The following SPMIP2 variants were observed in gnomAD, a reference collection of about 807,000 sequenced individuals.
SPMIP2 encodes the protein sperm microtubule inner protein 2.
At chr4:158,994,196 G>C in the SPMIP2 span, among the ~76,000 whole-genome samples, 2 of 152,284 alleles carry the variant, frequency 1.3e-5, no homozygotes, top group South Asian at 4.1e-4. Context: ...ATTCTTAATG[G>C]CCAGCACTGT....
the SPMIP2 span, among the ~76,000 whole-genome samples, chr4:158,912,414 C>T: frequency 6.6e-6 from 1 of 152,180 alleles, no homozygotes; most frequent in South Asian, 2.1e-4. Context: ...ATGATACTGT[C>T]TATAGGTTTA....
the SPMIP2 span, among the ~76,000 whole-genome samples, chr4:159,004,953 C>G: frequency 6.6e-5 from 10 of 151,928 alleles, no homozygotes; most frequent in Non-Finnish European, 1.3e-4. Flanking sequence ...AAACCATCGG[C>G]CAGACACGGT....
At chr4:158,968,925 G>A in the SPMIP2 span, among the ~76,000 whole-genome samples, 1 of 152,142 alleles carries the variant, frequency 6.6e-6, no homozygotes, top group Admixed American at 6.6e-5. Flanking sequence ...AGTTAAAAAT[G>A]AGGCAGAGAT....
chr4:159,049,287 A>G, the SPMIP2 span, among the ~76,000 whole-genome samples: 1 of 152,320 alleles, frequency 6.6e-6, no homozygotes, highest in African/African-American at 2.4e-5. Context: ...GCTGCACACA[A>G]GTCTAAGAAT....
chr4:159,042,455 T>TCCATTCTGTGTATTGCC, the SPMIP2 span, among the ~76,000 whole-genome samples: 1 of 152,230 alleles, frequency 6.6e-6, no homozygotes, highest in Non-Finnish European at 1.5e-5. Flanking sequence ...TGGCTACTGT[T>TCCATTCTGTGTATTGCC]CCATTCTGTG....
chr4:158,979,131 C>T, the SPMIP2 span, among the ~76,000 whole-genome samples: 6 of 150,920 alleles, frequency 4.0e-5, no homozygotes, highest in Admixed American at 6.6e-5. Flanking sequence ...AGGTGGGCTC[C>T]GGAGACTTTG....
chr4:159,015,885 G>A, the SPMIP2 span, among the ~76,000 whole-genome samples: 1 of 152,200 alleles, frequency 6.6e-6, no homozygotes, highest in South Asian at 2.1e-4. Context: ...GGCAGAAGGA[G>A]AGAAAGCTTG....
the SPMIP2 span, among the ~76,000 whole-genome samples, chr4:159,078,298 T>C: frequency 1.3e-5 from 2 of 152,130 alleles, no homozygotes; most frequent in South Asian, 4.1e-4. Context: ...CTCCAATAAA[T>C]ATCCCTTAAA....
At chr4:159,003,369 C>T in the SPMIP2 span, among the ~76,000 whole-genome samples, 2 of 152,230 alleles carry the variant, frequency 1.3e-5, 1 homozygote, top group East Asian at 3.9e-4. Flanking sequence ...CATCTAACAA[C>T]CTCATATATT....
the SPMIP2 span, among the ~76,000 whole-genome samples, chr4:158,916,849 G>A: frequency 8.7e-3 from 1,323 of 152,236 alleles, 12 homozygotes; most frequent in Non-Finnish European, 0.012. Flanking sequence ...TCACCATGTC[G>A]ACCAAGCTGG....
At chr4:159,050,430 A>G in the SPMIP2 span, among the ~76,000 whole-genome samples, 1 of 152,232 alleles carries the variant, frequency 6.6e-6, no homozygotes, top group East Asian at 1.9e-4. Flanking sequence ...GGTTAGGAGT[A>G]AGGATCACCA....
At chr4:158,975,505 T>C in the SPMIP2 span, among the ~76,000 whole-genome samples, 1 of 152,142 alleles carries the variant, frequency 6.6e-6, no homozygotes, top group Non-Finnish European at 1.5e-5. Context: ...CCAGTTTCAG[T>C]TTTCTGCATA....
the SPMIP2 span, among the ~76,000 whole-genome samples, chr4:158,916,241 G>T: frequency 6.6e-6 from 1 of 152,130 alleles, no homozygotes; most frequent in Non-Finnish European, 1.5e-5. Flanking sequence ...ATATACCTGT[G>T]GGGGAGACAA....
At chr4:159,071,973 T>A in the SPMIP2 span, among the ~76,000 whole-genome samples, 1 of 152,230 alleles carries the variant, frequency 6.6e-6, no homozygotes, top group African/African-American at 2.4e-5. Flanking sequence ...GAATTTTTTC[T>A]TCTAAGTTCC....
the SPMIP2 span, among the ~76,000 whole-genome samples, chr4:159,000,395 C>T: frequency 6.6e-6 from 1 of 151,938 alleles, no homozygotes; most frequent in East Asian, 1.9e-4. Flanking sequence ...CACTTTTCTG[C>T]TTTCTGTTAC....
chr4:158,973,077 A>T, the SPMIP2 span: 1 of 1,527,692 alleles, frequency 6.5e-7, no homozygotes, highest in Non-Finnish European at 9.0e-7. Context: ...TAAGAGCAAT[A>T]CCTTGATATG....
the SPMIP2 span, among the ~76,000 whole-genome samples, chr4:159,060,329 A>G: frequency 6.6e-6 from 1 of 152,188 alleles, no homozygotes; most frequent in Non-Finnish European, 1.5e-5. Context: ...CTAAGTTCCA[A>G]ATGAGGTCAT....
the SPMIP2 span, among the ~76,000 whole-genome samples, chr4:158,998,409 G>A: frequency 6.6e-6 from 1 of 152,094 alleles, no homozygotes; most frequent in Non-Finnish European, 1.5e-5. Context: ...TTACATAACT[G>A]CAAAAATAAG....
chr4:158,989,891 T>A, the SPMIP2 span, among the ~76,000 whole-genome samples: 2 of 152,140 alleles, frequency 1.3e-5, no homozygotes, highest in South Asian at 4.1e-4. Flanking sequence ...TGGGATCTAA[T>A]TAAACTAAAG....
Sources: gnomAD v4.1 joint callset for allele counts (sites outside exome capture counted in the v4.1 genomes callset) on GRCh38, gnomAD v4.1.1 for gene constraint, MANE v1.5 for transcripts, NCBI Gene and HGNC (gene_info 2026-07-23, HGNC 2026-07-21) for gene names.